The following RREB1 variants were observed in gnomAD, a reference collection of about 807,000 sequenced individuals.
The protein encoded by RREB1 is ras responsive element binding protein 1, also known as ras-responsive element-binding protein 1.
A neutral mutation model predicts 117.8 loss-of-function variants in RREB1; 27 were observed. That is an observed-to-expected ratio of 0.23 (90% CI 0.17 to 0.32). RREB1 has a LOEUF of 0.32. RREB1 is among the 10% of genes least tolerant of loss of function. RREB1 has a pLI of 1.00. For synonymous variants in RREB1, 1,298 were observed against 1,026.7 expected (o/e 1.26, Z -5.05); for missense variants, 2,577 against 2,378.2 (o/e 1.08, Z -1.74).
rs70978945 is a variant in RREB1, at chr6:7,200,244, ATGTG to A, written c.426-10526_426-10523del. On this transcript the variant is annotated intron_variant, in intron 6 of 12. Transcript: ENST00000379938. ...TATATATATATATGTATGTGTGTAT[ATGTG>A]TGTGTGTGTGTGTGTGTGTGTGTGT... 4.3e-3 allele frequency among the ~76,000 whole-genome samples: 550 copies of A among 129,352 alleles called. 3 individuals carry two copies. Among genetic ancestry groups the A allele is most frequent in the Admixed American group, 9.2e-3 (113 of 12,328 alleles). 84.9% of individuals were successfully genotyped at this position (129,352 alleles called of 152,430 possible).
intron 10 of RREB1, among the ~76,000 whole-genome samples, chr6:7,239,987 A>G (rs1768591253): frequency 2.6e-5 from 4 of 152,204 alleles, no homozygotes. Context: ...ATGGGCCCCC[A>G]AAGATACCCA....
intron 8 of RREB1, among the ~76,000 whole-genome samples, chr6:7,221,975 T>C (rs929828580): frequency 3.3e-5 from 5 of 152,182 alleles, no homozygotes; most frequent in African/African-American, 1.2e-4. Context: ...CTTTGCAGTT[T>C]TCAAAGCACT....
At chr6:7,191,262 A>G (rs891647305) in intron 6 of RREB1, among the ~76,000 whole-genome samples, 4 of 151,958 alleles carry the variant, frequency 2.6e-5, no homozygotes, top group African/African-American at 7.3e-5. Flanking sequence ...CATACATCAT[A>G]CATTATACCG....
chr6:7,239,854 A>T (rs762370684), intron 10 of RREB1, among the ~76,000 whole-genome samples: 1 of 152,260 alleles, frequency 6.6e-6, no homozygotes, highest in Admixed American at 6.5e-5. Flanking sequence ...CAAGTCAGAC[A>T]GGAGTTGTCC....
chr6:7,152,565 A>C (rs940781096), intron 1 of RREB1, among the ~76,000 whole-genome samples: 6 of 152,220 alleles, frequency 3.9e-5, no homozygotes, highest in African/African-American at 1.4e-4. Context: ...CAAATGCATC[A>C]CATGAGTGTT....
intron 1 of RREB1, among the ~76,000 whole-genome samples, chr6:7,158,904 AAAC>A (rs889579809): frequency 6.6e-6 from 1 of 152,068 alleles, no homozygotes; most frequent in Non-Finnish European, 1.5e-5. Context: ...GGCCAGGAAA[AAAC>A]TGATTAGTTT....
chr6:7,210,775 C>T, intron 6 of RREB1, 29 bp from the exon 7 acceptor site: 1 of 1,574,266 alleles, frequency 6.4e-7, no homozygotes, highest in Non-Finnish European at 8.6e-7. Context: ...TTTGTTAGAT[C>T]ACATTGTGTG....
At chr6:7,208,339 G>C (rs1418853364) in intron 6 of RREB1, among the ~76,000 whole-genome samples, 3 of 152,168 alleles carry the variant, frequency 2.0e-5, no homozygotes, top group Non-Finnish European at 4.4e-5. Context: ...AGCAGAGCAG[G>C]GGTCAGAGCA....
intron 8 of RREB1, chr6:7,218,302 A>G (rs748921089): frequency 1.3e-5 from 2 of 152,206 alleles, no homozygotes; most frequent in African/African-American, 2.4e-5. Flanking sequence ...CATGACAGAG[A>G]AGAGAGCCCA....
chr6:7,135,150 T>C (rs1762298857), intron 1 of RREB1, among the ~76,000 whole-genome samples: 1 of 152,244 alleles, frequency 6.6e-6, no homozygotes, highest in South Asian at 2.1e-4. Flanking sequence ...ACCTTGATTA[T>C]GATTAAAACA....
rs985971392 is a variant in RREB1 at position 7,112,409 on chromosome 6, T to G, written c.-285+4349T>G. On this transcript the variant is annotated intron_variant, in intron 1 of 12. Transcript: ENST00000379938. The stretch of plus-strand genomic sequence containing the variant: ...TTGAACAGGCAGTGTTGAGTCATAT[T>G]TTTTATGTCCAAATATAATTAAGAA... Among the ~76,000 whole-genome samples, 5 of 152,236 alleles carry G rather than the reference T, an allele frequency of 3.3e-5. No homozygotes were observed. The East Asian group carries it at 9.6e-4, about 29-fold the overall frequency.
In RREB1 at chr6:7,152,396, A is replaced by C. The variant is rs370542832; in HGVS notation, c.-284-24259A>C. ...TCATTATTGTTAATTGACTTTTTTT[A>C]TGTCTCCTGAAAGACAGAAATGAAG... On this transcript the variant is annotated intron_variant, in intron 1 of 12. Coordinates refer to ENST00000379938, the MANE Select transcript of RREB1 (RefSeq NM_001003699.4). Among the ~76,000 whole-genome samples the C allele has an allele frequency of 4.6e-5, 7 of 152,112 alleles. 1 individual carries two copies. The highest frequency in any genetic ancestry group is 1.4e-4 in the African/African-American group (6 of 41,424).
intron 1 of RREB1, among the ~76,000 whole-genome samples, chr6:7,120,118 G>C (rs1761609015): frequency 6.8e-6 from 1 of 147,946 alleles, no homozygotes; most frequent in South Asian, 2.1e-4. Context: ...GCCTTTTTTA[G>C]CTATTTCTTT....
chr6:7,220,688 A>G (rs1767196825), intron 8 of RREB1, among the ~76,000 whole-genome samples: 1 of 152,218 alleles, frequency 6.6e-6, no homozygotes, highest in Admixed American at 6.5e-5. Context: ...CATTGTCAAG[A>G]TCTCTTGCAA....
intron 1 of RREB1, among the ~76,000 whole-genome samples, chr6:7,153,621 A>ATG (rs1175032953): frequency 1.3e-5 from 2 of 152,238 alleles, no homozygotes; most frequent in Non-Finnish European, 2.9e-5. Context: ...ATAGAAGTGA[A>ATG]TGAGAGTAGG....
In RREB1 at chr6:7,230,360, T is replaced by C. The variant is rs2113112287; in HGVS notation, c.2261T>C (p.Val754Ala). 3.8e-6 allele frequency: 6 copies of C among 1,591,868 alleles called. No individual in the cohort carries two copies. The highest frequency in any genetic ancestry group is 5.1e-6 in the Non-Finnish European group (6 of 1,174,026). Residue 754 changes from valine (V) to alanine (A), a missense_variant, in exon 10 of 13, where the codon GTG (valine) becomes GCG (alanine). Val to Ala is a moderately conservative substitution (Grantham distance 64). Transcript: ENST00000379938. ...GACGCCTTCTGCGCCCCGGACACCG[T>C]GTGCCGGCTGTGCGGCGAGGACCTC... ...LVDAFCAPDT[V>A]CRLCGEDLKH...
At chr6:7,227,237 C>T (rs1767633982) in intron 9 of RREB1, among the ~76,000 whole-genome samples, 1 of 148,914 alleles carries the variant, frequency 6.7e-6, no homozygotes, top group South Asian at 2.1e-4. Flanking sequence ...GAGAGATTGC[C>T]TCAAAAATAA....
chr6:7,248,345 T>C (rs1314420020), intron 12 of RREB1, among the ~76,000 whole-genome samples, 166 bp from the exon 13 acceptor site: 1 of 152,322 alleles, frequency 6.6e-6, no homozygotes, highest in Middle Eastern at 3.4e-3. Flanking sequence ...AAACAGAGCT[T>C]GTCCGTCCTC....
intron 1 of RREB1, among the ~76,000 whole-genome samples, 161 bp downstream of exon 1, chr6:7,108,221 C>T (rs1176677540): frequency 6.6e-6 from 1 of 151,992 alleles, no homozygotes; most frequent in Non-Finnish European, 1.5e-5. Flanking sequence ...AGCCGGGGAC[C>T]CGCACGCCCC....
Sources: allele counts gnomAD v4.1 joint callset (sites outside exome capture counted in the v4.1 genomes callset), GRCh38; gene constraint gnomAD v4.1.1; transcripts MANE v1.5; gene names NCBI Gene and HGNC (gene_info 2026-07-23, HGNC 2026-07-21).